TMEM59L: variants seen among roughly 807,000 people sequenced by gnomAD.
The protein encoded by TMEM59L is transmembrane protein 59 like, also known as transmembrane protein 59-like.
A neutral mutation model predicts 39.6 loss-of-function variants in TMEM59L; 31 were observed. The ratio of observed to expected loss-of-function variants is 0.78; its 90% confidence interval spans 0.59 to 1.06. The LOEUF is 1.06. Ranked by LOEUF, TMEM59L falls within the 50% of genes least tolerant of loss-of-function variation. The pLI is 0.00. For missense variants in TMEM59L, 441 were observed against 451.3 expected (o/e 0.98, Z 0.21); for synonymous variants, 219 against 202.9 (o/e 1.08, Z -0.68).
chr19:18,620,074 A>G (rs1976478362), intron 7 of TMEM59L, among the ~76,000 whole-genome samples: 1 of 151,196 alleles, frequency 6.6e-6, no homozygotes, highest in African/African-American at 2.4e-5. Flanking sequence ...TGGGAGGCTG[A>G]GGTGGGCAGA....
At position 18,618,372 on chromosome 19, in the gene TMEM59L, C is replaced by T; in HGVS notation, c.783-3C>T. 2 of 1,606,652 alleles carry T rather than the reference C, an allele frequency of 1.2e-6. No individual in the cohort carries two copies. Among genetic ancestry groups the T allele is most frequent in the Non-Finnish European group, 1.7e-6 (2 of 1,178,718 alleles). Reference sequence around the variant, plus strand: ...GCTGAGTGGTGCCTGCCGGGCGGGGCAGGCGCTCGGGTCTGCCTCGCTGGA... The same window carrying T: ...GCTGAGTGGTGCCTGCCGGGCGGGGTAGGCGCTCGGGTCTGCCTCGCTGGA... On this transcript the variant is annotated splice_polypyrimidine_tract_variant and splice_region_variant and intron_variant, in intron 6 of 7. Coordinates refer to ENST00000262817, the MANE Select transcript of TMEM59L (RefSeq NM_012109.3).
At chr19:18,617,808 C>A in intron 5 of TMEM59L, 1 of 410,164 alleles carries the variant, frequency 2.4e-6, no homozygotes, top group South Asian at 2.0e-5. Flanking sequence ...GGTTCATCTC[C>A]TAAGGGTCAT....
At chr19:18,616,240 C>T (rs2145348996) in intron 4 of TMEM59L, 113 bp downstream of exon 4, 7 of 1,317,896 alleles carry the variant, frequency 5.3e-6, no homozygotes, top group Non-Finnish European at 7.4e-6. Flanking sequence ...GGGCGAGCTT[C>T]AGGCACAGCT....
At chr19:18,613,355 C>T (rs1976391317) in intron 1 of TMEM59L, among the ~76,000 whole-genome samples, 1 of 151,956 alleles carries the variant, frequency 6.6e-6, no homozygotes, top group Admixed American at 6.6e-5. Context: ...GGGGCCGATA[C>T]CACCTCCCGG....
chr19:18,614,238 C>G (rs776887866), intron 3 of TMEM59L, 43 bp downstream of exon 3: 2 of 1,536,644 alleles, frequency 1.3e-6, no homozygotes, highest in East Asian at 2.4e-5. Context: ...TCCCAATACC[C>G]CCACCCTCTT....
chr19:18,617,995 C>T, intron 5 of TMEM59L, 160 bp from the exon 6 acceptor site: 1 of 683,606 alleles, frequency 1.5e-6, no homozygotes, highest in Non-Finnish European at 2.6e-6. Flanking sequence ...TCCCAGGGTT[C>T]CATGGTCCCT....
chr19:18,614,198 G>T lies in TMEM59L; in HGVS notation c.408+3G>T. On this transcript the variant is annotated splice_donor_region_variant and intron_variant, in intron 3 of 7. Transcript: ENST00000262817. ...CGGAGCCTGAGCCGGAGCAGAAGGT[G>T]GGCCTCCCACTGCGGCCTGGGGTCC... is the stretch of plus-strand genomic sequence containing the variant. 6.3e-7 allele frequency: 1 copy of T among 1,591,660 alleles called. No homozygotes were observed. The highest frequency in any genetic ancestry group is 8.5e-7 in the Non-Finnish European group (1 of 1,171,666).
At position 18,620,484 on chromosome 19, in the gene TMEM59L, G is replaced by T. The variant is rs776753528; in HGVS notation, c.977G>T (p.Cys326Phe). Residue 326 changes from cysteine (C) to phenylalanine (F), a missense_variant, in exon 8 of 8, where the codon TGT (cysteine) becomes TTT (phenylalanine). By Grantham distance (205) the Cys-to-Phe change is radical. Transcript: ENST00000262817. ...CTGTACCCGCCGCCGTCCCACGCCT[G>T]TGAGGACAGCCTACCACCCTACAAG... ...WPLYPPPSHA[C>F]EDSLPPYKLK... 6.2e-7 allele frequency: 1 copy of T among 1,613,848 alleles called. No homozygotes were observed. Among genetic ancestry groups the T allele is most frequent in the Non-Finnish European group, 8.5e-7 (1 of 1,179,984 alleles).
chr19:18,613,124 T>C lies in TMEM59L; in HGVS notation c.166T>C (p.Ser56Pro). 1.5e-6 allele frequency: 2 copies of C among 1,291,856 alleles called. No homozygotes were observed. The highest frequency in any genetic ancestry group is 2.0e-6 in the Non-Finnish European group (2 of 1,023,578). 80.0% of individuals were successfully genotyped at this position (1,291,856 alleles called of 1,614,324 possible). The part of the protein sequence containing the change: ...CRDRDLGPQP[S>P]QAGLEGASES... ...CGACCGCGACCTCGGCCCGCAGCCC[T>C]CGCAGGTGAGGCGCGTGCGGTGCCA... Residue 56 changes from serine (S) to proline (P), a missense_variant, in exon 1 of 8, where the codon TCG becomes CCG. Coordinates refer to ENST00000262817, the MANE Select transcript of TMEM59L (RefSeq NM_012109.3).
intron 7 of TMEM59L, among the ~76,000 whole-genome samples, chr19:18,619,839 G>C (rs113924326): frequency 6.6e-6 from 1 of 151,164 alleles, no homozygotes; most frequent in Non-Finnish European, 1.5e-5. Context: ...TTAGCTAGAC[G>C]TGGAGGTGCA....
At chr19:18,616,762 G>C (rs1220314456) in intron 4 of TMEM59L, among the ~76,000 whole-genome samples, 2 of 152,188 alleles carry the variant, frequency 1.3e-5, no homozygotes, top group African/African-American at 4.8e-5. Flanking sequence ...CCATCTCTCA[G>C]GCAATTCACT....
At chr19:18,619,996 C>T (rs1394200479) in intron 7 of TMEM59L, among the ~76,000 whole-genome samples, 3 of 149,470 alleles carry the variant, frequency 2.0e-5, no homozygotes, top group Non-Finnish European at 3.0e-5. Flanking sequence ...CACACACACA[C>T]ACACACACAC....
intron 7 of TMEM59L, 66 bp from the exon 8 acceptor site, chr19:18,620,338 GAGAC>G: frequency 7.0e-7 from 1 of 1,427,736 alleles, no homozygotes; most frequent in South Asian, 1.3e-5. Context: ...AGGTGGGAAG[GAGAC>G]AGTCAGGGTT....
At chr19:18,620,008 CACACACACACACAA>C (rs1247889930) in intron 7 of TMEM59L, among the ~76,000 whole-genome samples, 2 of 116,774 alleles carry the variant, frequency 1.7e-5, no homozygotes, top group Non-Finnish European at 3.7e-5. Context: ...CACACACACA[CACACACACACACAA>C]AAGTCCAGGT....
In TMEM59L at chr19:18,617,010, T is replaced by G. The variant is rs756850613; in HGVS notation, c.572T>G (p.Ile191Arg). The change falls in exon 5 of 8, where the codon ATA (isoleucine) becomes AGA (arginine). Residue 191 changes from isoleucine to arginine, a missense_variant. Ile to Arg is a moderately conservative substitution (Grantham distance 97). Transcript: ENST00000262817. ...GKVVVFQTQP[I>R]VESLGFQGGR... is the part of the protein sequence containing the mutation. ...TTGTTCCTGGCCCAGACTCAGCCCA[T>G]AGTGGAGAGCCTCGGCTTCCAGGGG... The G allele has an allele frequency of 6.2e-7, 1 of 1,610,726 alleles. No homozygotes were observed. Among genetic ancestry groups the G allele is most frequent in the Non-Finnish European group, 8.5e-7 (1 of 1,178,364 alleles).
rs1976403492 is a variant in TMEM59L, at chr19:18,614,168, G to A, written c.381G>A (p.Gln127=). 1.2e-6 allele frequency: 2 copies of A among 1,606,088 alleles called. No homozygotes were observed. The highest frequency in any genetic ancestry group is 2.7e-5 in the African/African-American group (2 of 75,014). ...CCTGTAGCCACGGCTGCTGGAGCCA[G>A]CCCGCGGAGCCTGAGCCGGAGCAGA... is the stretch of plus-strand genomic sequence containing the variant. ...QQACSHGCWS[Q]PAEPEPEQKR... is the part of the protein sequence containing the mutation. Residue 127 remains glutamine, a synonymous_variant, in exon 3 of 8, where the codon CAG becomes CAA. Transcript: ENST00000262817.
At chr19:18,616,175 G>A (rs1485471565) in intron 4 of TMEM59L, 48 bp downstream of exon 4, 2 of 1,607,172 alleles carry the variant, frequency 1.2e-6, no homozygotes, top group African/African-American at 1.3e-5. Context: ...TGGGTGGGCA[G>A]GGTAAGAAGA....
chr19:18,617,075 C>G lies in TMEM59L; in HGVS notation c.637C>G (p.His213Asp). The G allele has an allele frequency of 6.2e-7, 1 of 1,613,406 alleles. No individual in the cohort carries two copies. The highest frequency in any genetic ancestry group is 8.5e-7 in the Non-Finnish European group (1 of 1,179,896). Residue 213 changes from histidine to aspartate, a missense_variant, in exon 5 of 8, where the codon CAC becomes GAC. By Grantham distance (81) the His-to-Asp change is moderately conservative. Coordinates refer to ENST00000262817, the MANE Select transcript of TMEM59L (RefSeq NM_012109.3). ...CGTGGAGGTGACCTGGCGAGGCTCC[C>G]ACCCTGAAGCCCTGGAGGTGCACGT... ...QRVEVTWRGS[H>D]PEALEVHVDP...
chr19:18,617,291 C>T (rs1399554550), intron 5 of TMEM59L, 189 bp downstream of exon 5: 1 of 678,614 alleles, frequency 1.5e-6, no homozygotes, highest in Non-Finnish European at 2.7e-6. Flanking sequence ...TTCCATGGTC[C>T]ACTTCTCAGG....
Sources: gnomAD v4.1 joint callset for allele counts (sites outside exome capture counted in the v4.1 genomes callset) on GRCh38, gnomAD v4.1.1 for gene constraint, MANE v1.5 for transcripts, NCBI Gene and HGNC (gene_info 2026-07-23, HGNC 2026-07-21) for gene names.